The following PLXND1 variants were observed in gnomAD, a reference collection of about 807,000 sequenced individuals.
The protein encoded by PLXND1 is plexin D1, also known as plexin-D1.
In PLXND1, 54 loss-of-function variants were observed where a neutral mutation model predicts 197.7. That is an observed-to-expected ratio of 0.27 (90% CI 0.22 to 0.34). The LOEUF (loss-of-function observed/expected upper bound fraction) is 0.34. Among genes scored for constraint, PLXND1 ranks in the 10% least tolerant of loss-of-function variants. The pLI is 1.00. For synonymous variants in PLXND1, 1,180 were observed against 1,161.2 expected, an observed-to-expected ratio of 1.02 and a Z score of -0.33; for missense variants, 2,127 against 2,699.2, an observed-to-expected ratio of 0.79 and a Z score of 4.70.
intron 8 of PLXND1, among the ~76,000 whole-genome samples, chr3:129,582,849 C>A (rs139028747): frequency 2.6e-5 from 4 of 152,350 alleles, no homozygotes; most frequent in Non-Finnish European, 5.9e-5. Context: ...AACCCAACCA[C>A]CATGCAGTGC....
intron 31 of PLXND1, among the ~76,000 whole-genome samples, 179 bp downstream of exon 31, chr3:129,560,151 C>G (rs541521074): frequency 3.9e-5 from 6 of 152,332 alleles, no homozygotes; most frequent in African/African-American, 1.4e-4. Flanking sequence ...AGAAATGCCT[C>G]CTCAAGTGGG....
chr3:129,600,784 GCT>G (rs2085696052), intron 1 of PLXND1, among the ~76,000 whole-genome samples: 1 of 151,784 alleles, frequency 6.6e-6, no homozygotes, highest in Non-Finnish European at 1.5e-5. Flanking sequence ...CATCTTGGAA[GCT>G]CTCTCTCCCT....
In PLXND1 at chr3:129,605,541, G is replaced by A. The variant is rs1209979229; in HGVS notation, c.1099C>T (p.Arg367Trp). The change falls in exon 1 of 36, where the codon CGG becomes TGG. Residue 367 changes from arginine (R) to tryptophan (W), a missense_variant. This residue lies in a region of PLXND1 where 1,095 missense variants were observed against 1,259.8 expected (regional missense o/e 0.87). Transcript: ENST00000324093. ...RLVSVFPARE[R>W]LFAVFERPQG... ...GGCCGCTCGAAGACAGCAAAGAGCC[G>A]CTCCCGGGCTGGGAAGACCGACACC... is the stretch of plus-strand genomic sequence containing the variant. 2.0e-6 allele frequency: 3 copies of A among 1,526,786 alleles called. No homozygotes were observed. 94.6% of individuals were successfully genotyped at this position (1,526,786 alleles called of 1,614,324 possible).
intron 3 of PLXND1, 128 bp downstream of exon 3, chr3:129,586,460 G>A: frequency 8.3e-7 from 1 of 1,208,936 alleles, no homozygotes; most frequent in Non-Finnish European, 1.2e-6. Flanking sequence ...AGGACAAGGT[G>A]GAGTTAGCAG....
chr3:129,597,268 G>A (rs1317115441), intron 1 of PLXND1, among the ~76,000 whole-genome samples: 1 of 152,040 alleles, frequency 6.6e-6, no homozygotes, highest in East Asian at 1.9e-4. Context: ...GCTCTGCTGG[G>A]AGCCACCAAT....
intron 2 of PLXND1, 38 bp downstream of exon 2, chr3:129,589,310 TCCC>T: frequency 2.0e-6 from 1 of 501,292 alleles, no homozygotes; most frequent in Non-Finnish European, 3.8e-6. Context: ...CAGGGGAGCC[TCCC>T]ACCCCCACCC....
intron 27 of PLXND1, 60 bp downstream of exon 27, chr3:129,562,727 G>A (rs2085079538): frequency 1.3e-6 from 2 of 1,501,830 alleles, no homozygotes; most frequent in South Asian, 1.2e-5. Flanking sequence ...TCCCGTCAAG[G>A]CAGGGGCCAG....
intron 22 of PLXND1, among the ~76,000 whole-genome samples, 195 bp downstream of exon 22, chr3:129,567,297 C>T (rs2085154409): frequency 6.6e-6 from 1 of 152,174 alleles, no homozygotes; most frequent in African/African-American, 2.4e-5. Flanking sequence ...ATCAAGTGAG[C>T]AGAGAATGAC....
chr3:129,606,636 C>A lies in PLXND1; in HGVS notation c.4G>T (p.Ala2Ser). The part of the protein sequence containing the change: M[A>S]PRAAGGAPLS... ...GGTGCGCCGCCCGCGGCGCGAGGAG[C>A]CATCCGGGCGTGCGCGGGCTGCGCG... Residue 2 changes from alanine to serine, a missense_variant, in exon 1 of 36, where the codon GCT (alanine) becomes TCT (serine). By Grantham distance (99) the Ala-to-Ser change is moderately conservative. Coordinates refer to ENST00000324093, the MANE Select transcript of PLXND1 (RefSeq NM_015103.3). 9.3e-7 allele frequency: 1 copy of A among 1,073,360 alleles called. No individual in the cohort carries two copies. Among genetic ancestry groups the A allele is most frequent in the South Asian group, 4.4e-5 (1 of 22,972 alleles). 66.5% of individuals were successfully genotyped at this position (1,073,360 alleles called of 1,614,324 possible). A position where few individuals can be genotyped will look rare whatever the true frequency, so the allele number is the denominator to read the frequency against.
rs968598943 is a variant in PLXND1 at position 129,605,556 on chromosome 3, A to C, written c.1084T>G (p.Phe362Val). Residue 362 changes from phenylalanine to valine, a missense_variant, in exon 1 of 36, where the codon TTC becomes GTC. Physicochemically the swap from Phe to Val is conservative, Grantham distance 50. Around this residue, in one of 6 missense-constraint regions of PLXND1, gnomAD observed 1,095 missense variants for 1,259.8 expected, o/e 0.87. Transcript: ENST00000324093. ...GCAAAGAGCCGCTCCCGGGCTGGGA[A>C]GACCGACACCAGGCGGCTGTAGAGG... ...GDLYSRLVSV[F>V]PARERLFAVF... 2.0e-6 allele frequency: 3 copies of C among 1,531,094 alleles called. No homozygotes were observed. Among genetic ancestry groups the C allele is most frequent in the Non-Finnish European group, 2.6e-6 (3 of 1,143,390 alleles). The allele number at this position is 1,531,094 out of a possible 1,614,324, so 94.8% of individuals were successfully genotyped here. A position where few individuals can be genotyped will look rare whatever the true frequency, so the allele number is the denominator to read the frequency against.
chr3:129,561,945 C>T, intron 27 of PLXND1, 42 bp from the exon 28 acceptor site: 1 of 1,450,462 alleles, frequency 6.9e-7, no homozygotes, highest in Non-Finnish European at 9.7e-7. Context: ...GGGCAGGGAG[C>T]TGGGCCTGAG....
rs2108781693 is a variant in PLXND1, at chr3:129,577,215, GCC to G, written c.2346+1112_2346+1113del. Among the ~76,000 whole-genome samples, 1 of 152,156 alleles carries G rather than the reference GCC, an allele frequency of 6.6e-6. No individual in the cohort carries two copies. The highest frequency in any genetic ancestry group is 1.9e-4 in the East Asian group (1 of 5,170). ...CCCAGGGTGTAGGCTCAGCAAACAG[GCC>G]CCCACCGCTGGGCCTGACTTCAGTG... is the stretch of plus-strand genomic sequence containing the variant. On this transcript the variant is annotated intron_variant, in intron 9 of 35. Transcript: ENST00000324093. The surrounding 1 kb of genome is among the most constrained non-coding windows in gnomAD (Gnocchi z 5.0).
At chr3:129,571,361 A>G in intron 17 of PLXND1, 58 bp from the exon 18 acceptor site, 2 of 1,580,690 alleles carry the variant, frequency 1.3e-6, no homozygotes. Flanking sequence ...ATGGGCATGG[A>G]GAAACGGTGG....
intron 22 of PLXND1, 67 bp from the exon 23 acceptor site, chr3:129,566,698 C>T (rs529110072): frequency 1.0e-4 from 102 of 986,416 alleles, no homozygotes; most frequent in Non-Finnish European, 1.4e-4. Context: ...AAAGGTCACT[C>T]ACACAGAAAG....
At chr3:129,570,242 G>A (rs984946879) in intron 19 of PLXND1, among the ~76,000 whole-genome samples, 1 of 152,178 alleles carries the variant, frequency 6.6e-6, no homozygotes, top group Non-Finnish European at 1.5e-5. Flanking sequence ...AGAGGAAGCA[G>A]TTCACGGGGC....
chr3:129,581,413 G>A (rs1159313465), intron 8 of PLXND1, among the ~76,000 whole-genome samples: 1 of 152,148 alleles, frequency 6.6e-6, no homozygotes, highest in Non-Finnish European at 1.5e-5. Context: ...CCTCCCAGCT[G>A]GTGAGCTCCT....
intron 5 of PLXND1, 149 bp downstream of exon 5, chr3:129,585,803 A>G (rs2085450587): frequency 1.8e-6 from 2 of 1,114,374 alleles, no homozygotes; most frequent in Admixed American, 1.9e-5. Context: ...GTTGGTCAGG[A>G]AAGCCCAGTC....
intron 31 of PLXND1, among the ~76,000 whole-genome samples, chr3:129,560,082 C>T (rs1375302797): frequency 6.6e-6 from 1 of 152,240 alleles, no homozygotes; most frequent in Non-Finnish European, 1.5e-5. Flanking sequence ...TGGGCCTCTG[C>T]TGTACCCTGT....
chr3:129,586,450 A>G lies in PLXND1; in HGVS notation c.1620+138T>C, dbSNP rs76972342. Reference sequence around the variant, plus strand: ...AGGCAAGGTCGGTGTTGGGAGGCGCAGGACAAGGTGGAGTTAGCAGATAAG... The same window carrying G: ...AGGCAAGGTCGGTGTTGGGAGGCGCGGGACAAGGTGGAGTTAGCAGATAAG... On this transcript the variant is annotated intron_variant, in intron 3 of 35. Coordinates refer to ENST00000324093, the MANE Select transcript of PLXND1 (RefSeq NM_015103.3). 2.5e-3 allele frequency: 2,904 copies of G among 1,162,906 alleles called. 51 individuals are homozygous for G. The African/African-American group carries it at 0.036, about 14-fold the overall frequency. 72.0% of individuals were successfully genotyped at this position (1,162,906 alleles called of 1,614,324 possible). A position where few individuals can be genotyped will look rare whatever the true frequency, so the allele number is the denominator to read the frequency against.
Sources: allele counts gnomAD v4.1 joint callset (sites outside exome capture counted in the v4.1 genomes callset), GRCh38; gene constraint gnomAD v4.1.1; regional missense constraint gnomAD v4.1.1; non-coding constraint Gnocchi (gnomAD v3.1); transcripts MANE v1.5; gene names NCBI Gene and HGNC (gene_info 2026-07-23, HGNC 2026-07-21).